HMGA2: variants seen among roughly 807,000 people sequenced by gnomAD.
HMGA2 encodes the protein high mobility group AT-hook 2.
Under a neutral mutation model 19.1 loss-of-function variants are expected in HMGA2, and 8 were observed. The observed-to-expected ratio is 0.42, with a 90% CI of 0.25 to 0.76. The LOEUF (loss-of-function observed/expected upper bound fraction) is 0.76, where lower values mean the gene tolerates loss of function less well. HMGA2 is among the 30% of genes least tolerant of loss of function. The probability of loss-of-function intolerance (pLI) is 0.28; values close to 1 mark genes in which losing one functional copy is unlikely to be tolerated. For missense variants in HMGA2, 109 were observed against 136.3 expected (o/e 0.80, Z 1.00); for synonymous variants, 60 against 48.8 (o/e 1.23, Z -0.96).
chr12:65,867,429 G>C (rs1872485190), intron 3 of HMGA2: 24 of 450,458 alleles, frequency 5.3e-5, no homozygotes, highest in South Asian at 3.6e-4. Flanking sequence ...TGTCATCTGA[G>C]CAGGAGGAGT....
chr12:65,887,103 G>A (rs913224049), intron 3 of HMGA2, among the ~76,000 whole-genome samples: 1 of 152,106 alleles, frequency 6.6e-6, no homozygotes, highest in Non-Finnish European at 1.5e-5. Flanking sequence ...TCTATAAAGA[G>A]TTCATTACAC....
chr12:65,957,610 G>A (rs971391526), intron 4 of HMGA2: 5 of 152,036 alleles, frequency 3.3e-5, no homozygotes, highest in Admixed American at 2.0e-4. Flanking sequence ...TGATCAAACC[G>A]GTAGTCCTCA....
intron 3 of HMGA2, among the ~76,000 whole-genome samples, chr12:65,861,350 A>G (rs1029375228): frequency 2.0e-5 from 3 of 152,190 alleles, no homozygotes; most frequent in Admixed American, 1.3e-4. Context: ...CTGGCGACAG[A>G]GCAAGACTCC....
intron 3 of HMGA2, among the ~76,000 whole-genome samples, chr12:65,905,182 TCACA>T (rs139108942): frequency 6.7e-5 from 10 of 149,278 alleles, no homozygotes; most frequent in African/African-American, 2.0e-4. Flanking sequence ...ATTGACTTTA[TCACA>T]CACACACACA....
At chr12:65,846,609 G>A (rs532890148) in intron 3 of HMGA2, among the ~76,000 whole-genome samples, 1 of 152,324 alleles carries the variant, frequency 6.6e-6, no homozygotes, top group African/African-American at 2.4e-5. Context: ...AGATAGAGAC[G>A]GAGGCTACTG....
intron 3 of HMGA2, among the ~76,000 whole-genome samples, chr12:65,924,852 A>G (rs1875449568): frequency 6.6e-6 from 1 of 151,342 alleles, no homozygotes; most frequent in Admixed American, 6.6e-5. Context: ...AGGCCTTCCA[A>G]CTCTCTCCCA....
chr12:65,945,694 A>G (rs1335653956), intron 3 of HMGA2, among the ~76,000 whole-genome samples: 1 of 152,118 alleles, frequency 6.6e-6, no homozygotes, highest in Non-Finnish European at 1.5e-5. Flanking sequence ...GGCCATTTGG[A>G]GTGTTTGCAG....
intron 4 of HMGA2, chr12:65,952,366 C>A (rs990568924): frequency 6.5e-7 from 1 of 1,534,546 alleles, no homozygotes; most frequent in South Asian, 1.2e-5. Flanking sequence ...GTCAATGTTG[C>A]CTTGCCTGGG....
chr12:65,933,870 C>A (rs1875802580), intron 3 of HMGA2, among the ~76,000 whole-genome samples: 1 of 152,054 alleles, frequency 6.6e-6, no homozygotes, highest in African/African-American at 2.4e-5. Context: ...GAACAAACAC[C>A]ATAATAGAGT....
intron 3 of HMGA2, among the ~76,000 whole-genome samples, chr12:65,852,191 T>A (rs753798658): frequency 4.6e-5 from 7 of 152,138 alleles, no homozygotes; most frequent in African/African-American, 7.2e-5. Flanking sequence ...GCAGTAAGTA[T>A]CAGCAATTAA....
chr12:65,912,328 G>A (rs1449962019), intron 3 of HMGA2, among the ~76,000 whole-genome samples: 1 of 151,924 alleles, frequency 6.6e-6, no homozygotes, highest in Non-Finnish European at 1.5e-5. Flanking sequence ...TGCAAAAATA[G>A]GCCAAAAAGT....
intron 3 of HMGA2, among the ~76,000 whole-genome samples, chr12:65,894,988 G>A (rs1260084598): frequency 6.6e-6 from 1 of 152,164 alleles, no homozygotes; most frequent in East Asian, 1.9e-4. Flanking sequence ...GCTTTATAAT[G>A]TAAATCCACC....
intron 3 of HMGA2, among the ~76,000 whole-genome samples, chr12:65,894,734 G>A (rs1463371919): frequency 1.3e-5 from 2 of 152,202 alleles, no homozygotes; most frequent in Non-Finnish European, 2.9e-5. Flanking sequence ...TTGGTGCACA[G>A]ATGTATAAAC....
chr12:65,900,608 T>C (rs1874331875), intron 3 of HMGA2, among the ~76,000 whole-genome samples: 1 of 152,200 alleles, frequency 6.6e-6, no homozygotes, highest in South Asian at 2.1e-4. Flanking sequence ...TGGACTGCAG[T>C]GAATGCATAG....
chr12:65,899,486 A>G (rs1023724570), intron 3 of HMGA2, among the ~76,000 whole-genome samples: 11 of 152,240 alleles, frequency 7.2e-5, no homozygotes, highest in Non-Finnish European at 1.3e-4. Flanking sequence ...TGATAATTGC[A>G]GGATGTTTTC....
intron 3 of HMGA2, among the ~76,000 whole-genome samples, chr12:65,925,735 A>C (rs1875481604): frequency 6.6e-6 from 1 of 152,020 alleles, no homozygotes; most frequent in Non-Finnish European, 1.5e-5. Flanking sequence ...GCGATCATTA[A>C]GTTTTCGATG....
intron 3 of HMGA2, among the ~76,000 whole-genome samples, chr12:65,906,959 T>C (rs1874618911): frequency 6.6e-6 from 1 of 152,172 alleles, no homozygotes; most frequent in Non-Finnish European, 1.5e-5. Flanking sequence ...ATCAAGACCC[T>C]GTGGAAATGG....
intron 3 of HMGA2, among the ~76,000 whole-genome samples, chr12:65,896,867 G>C (rs1565725253): frequency 6.6e-6 from 1 of 152,198 alleles, no homozygotes; most frequent in Non-Finnish European, 1.5e-5. Context: ...GAATGAGTCT[G>C]GGGGAATAAA....
intron 3 of HMGA2, among the ~76,000 whole-genome samples, chr12:65,914,028 C>G (rs145822628): frequency 2.0e-5 from 3 of 152,254 alleles, no homozygotes; most frequent in East Asian, 3.9e-4. Flanking sequence ...AACAGGAACA[C>G]TTTTACACTG....
Sources: allele counts gnomAD v4.1 joint callset (sites outside exome capture counted in the v4.1 genomes callset), GRCh38; gene constraint gnomAD v4.1.1; transcripts MANE v1.5; gene names NCBI Gene and HGNC (gene_info 2026-07-23, HGNC 2026-07-21).